The following HCN1 variants were observed in gnomAD, a reference collection of about 807,000 sequenced individuals.
HCN1 encodes potassium/sodium hyperpolarization-activated cyclic nucleotide-gated channel 1.
A neutral mutation model predicts 78.9 loss-of-function variants in HCN1; 13 were observed. That is an observed-to-expected ratio of 0.16 (90% CI 0.11 to 0.26). HCN1 has a LOEUF of 0.26. HCN1 is among the 10% of genes least tolerant of loss of function. The probability of loss-of-function intolerance (pLI) is 1.00; values close to 1 mark genes in which losing one functional copy is unlikely to be tolerated. For missense variants in HCN1, 810 were observed against 1,154.3 expected, an observed-to-expected ratio of 0.70 and a Z score of 4.32; for synonymous variants, 552 against 455.5, an observed-to-expected ratio of 1.21 and a Z score of -2.70.
At chr5:45,651,985 T>C (rs1745685247) in intron 1 of HCN1, among the ~76,000 whole-genome samples, 1 of 152,006 alleles carries the variant, frequency 6.6e-6, no homozygotes, top group Non-Finnish European at 1.5e-5. Context: ...AAAGTTAGAC[T>C]ATATTTAAAG....
At chr5:45,530,179 C>CT (rs1305533313) in intron 2 of HCN1, among the ~76,000 whole-genome samples, 2 of 151,916 alleles carry the variant, frequency 1.3e-5, no homozygotes, top group Non-Finnish European at 2.9e-5. Context: ...CTTCTCAGCT[C>CT]TTTTTTTCAG....
At chr5:45,355,096 A>C (rs1044422962) in intron 4 of HCN1, among the ~76,000 whole-genome samples, 2 of 151,992 alleles carry the variant, frequency 1.3e-5, no homozygotes, top group Admixed American at 6.6e-5. Context: ...TTCCTCACAC[A>C]AGTCATTTAA....
intron 5 of HCN1, among the ~76,000 whole-genome samples, chr5:45,329,372 C>T (rs960157860): frequency 4.0e-5 from 6 of 151,334 alleles, no homozygotes; most frequent in Non-Finnish European, 8.9e-5. Flanking sequence ...AGCATAGAGT[C>T]AATTTTTGAA....
At chr5:45,555,450 T>C (rs886415713) in intron 2 of HCN1, among the ~76,000 whole-genome samples, 1 of 151,858 alleles carries the variant, frequency 6.6e-6, no homozygotes, top group African/African-American at 2.4e-5. Context: ...ATCAATATTA[T>C]TAAAATGTCC....
At chr5:45,646,539 A>G (rs1231366330) in intron 1 of HCN1, among the ~76,000 whole-genome samples, 3 of 151,652 alleles carry the variant, frequency 2.0e-5, no homozygotes, top group Non-Finnish European at 2.9e-5. Context: ...GCCCAGCTAA[A>G]AAAAAATCTT....
intron 2 of HCN1, among the ~76,000 whole-genome samples, chr5:45,465,378 A>G: frequency 6.6e-6 from 1 of 152,148 alleles, no homozygotes; most frequent in Non-Finnish European, 1.5e-5. Context: ...AACAGAAAGA[A>G]AGGCTCTCTT....
In HCN1 at chr5:45,467,362, T is replaced by C. The variant is rs74993315; in HGVS notation, c.850-5355A>G. Among the ~76,000 whole-genome samples the C allele has an allele frequency of 5.3e-5, 8 of 152,260 alleles. No individual in the cohort carries two copies. In the East Asian group the frequency reaches 1.5e-3, roughly 29 times the overall value. ...TGTCCAGCTATATAAAAAATTATTT[T>C]CTTAATGTTCATTCTATTTGCCTAC... On this transcript the variant is annotated intron_variant, in intron 2 of 7. Coordinates refer to ENST00000303230, the MANE Select transcript of HCN1 (RefSeq NM_021072.4).
intron 6 of HCN1, among the ~76,000 whole-genome samples, chr5:45,287,871 G>C (rs191278786): frequency 6.6e-6 from 1 of 152,190 alleles, no homozygotes; most frequent in Non-Finnish European, 1.5e-5. Flanking sequence ...CGCATCTACT[G>C]CTTTATACTA....
intron 4 of HCN1, among the ~76,000 whole-genome samples, chr5:45,386,399 G>A (rs1305051463): frequency 6.6e-6 from 1 of 151,938 alleles, no homozygotes; most frequent in Non-Finnish European, 1.5e-5. Context: ...GGCTAGTTGT[G>A]AACTCCCTGG....
intron 2 of HCN1, among the ~76,000 whole-genome samples, chr5:45,511,629 A>G (rs555223455): frequency 2.0e-5 from 3 of 152,218 alleles, no homozygotes; most frequent in East Asian, 1.9e-4. Context: ...GACATTTTAT[A>G]TAACAGCTTC....
chr5:45,292,831 A>C (rs1247913363), intron 6 of HCN1, among the ~76,000 whole-genome samples: 2 of 152,070 alleles, frequency 1.3e-5, no homozygotes, highest in Non-Finnish European at 2.9e-5. Flanking sequence ...CCATCTACTC[A>C]TTCTTTATAA....
intron 3 of HCN1, among the ~76,000 whole-genome samples, chr5:45,407,866 A>G (rs1411593218): frequency 6.6e-6 from 1 of 152,144 alleles, no homozygotes; most frequent in African/African-American, 2.4e-5. Context: ...ACTGCTCCTG[A>G]AGACATTCCA....
intron 1 of HCN1, among the ~76,000 whole-genome samples, chr5:45,682,684 T>G (rs116799075): frequency 0.016 from 2,450 of 151,856 alleles, 63 homozygotes; most frequent in African/African-American, 0.056. Flanking sequence ...AAATTCCAGA[T>G]GGAGGGGGTG....
chr5:45,367,167 G>C (rs928201342), intron 4 of HCN1, among the ~76,000 whole-genome samples: 3 of 151,716 alleles, frequency 2.0e-5, no homozygotes, highest in African/African-American at 7.3e-5. Context: ...TAGTCCTTGA[G>C]TCTTAAGTTA....
chr5:45,568,278 C>A (rs1167605448), intron 2 of HCN1, among the ~76,000 whole-genome samples: 1 of 151,990 alleles, frequency 6.6e-6, no homozygotes, highest in East Asian at 1.9e-4. Context: ...TTTGTAGACT[C>A]TCTACCTTAA....
At chr5:45,332,054 C>T (rs1367206734) in intron 5 of HCN1, among the ~76,000 whole-genome samples, 1 of 151,414 alleles carries the variant, frequency 6.6e-6, no homozygotes, top group Non-Finnish European at 1.5e-5. Flanking sequence ...TACATATGTT[C>T]TTTAATGGTT....
intron 2 of HCN1, among the ~76,000 whole-genome samples, chr5:45,542,268 G>A: frequency 6.6e-6 from 1 of 152,054 alleles, no homozygotes; most frequent in East Asian, 1.9e-4. Context: ...ATAAAATATA[G>A]TTTTATTCTA....
intron 1 of HCN1, among the ~76,000 whole-genome samples, chr5:45,649,522 C>T (rs1290660113): frequency 6.6e-6 from 1 of 151,950 alleles, no homozygotes; most frequent in African/African-American, 2.4e-5. Context: ...CCAGTAGTTT[C>T]ACTGCCCTAA....
At chr5:45,394,101 T>C (rs1739638393) in intron 4 of HCN1, among the ~76,000 whole-genome samples, 4 of 152,160 alleles carry the variant, frequency 2.6e-5, no homozygotes, top group Admixed American at 2.6e-4. Flanking sequence ...TTGAAACAAA[T>C]TCATTTAAGG....
Sources: allele counts gnomAD v4.1 joint callset (sites outside exome capture counted in the v4.1 genomes callset), GRCh38; gene constraint gnomAD v4.1.1; transcripts MANE v1.5; gene names NCBI Gene and HGNC (gene_info 2026-07-23, HGNC 2026-07-21).